MAOA: variants seen among roughly 807,000 people sequenced by gnomAD.
MAOA encodes monoamine oxidase A, also known as amine oxidase [flavin-containing] A.
Under a neutral mutation model 42.0 loss-of-function variants are expected in MAOA, and 6 were observed. That is an observed-to-expected ratio of 0.14 (90% confidence interval 0.08 to 0.28). MAOA has a LOEUF of 0.28. Among genes scored for constraint, MAOA ranks in the 10% least tolerant of loss-of-function variants. The probability of loss-of-function intolerance (pLI) is 1.00; values close to 1 mark genes in which losing one functional copy is unlikely to be tolerated. For missense variants in MAOA, 262 were observed against 422.3 expected (o/e 0.62, Z 3.33); for synonymous variants, 140 against 154.0 (o/e 0.91, Z 0.67).
chrX:43,735,147 C>A (rs1164810308), intron 9 of MAOA, among the ~76,000 whole-genome samples: 3 of 111,737 alleles, frequency 2.7e-5, no homozygotes, highest in Admixed American at 9.5e-5. Context: ...AAATAACAGC[C>A]CTAAAGGAAC....
chrX:43,720,547 G>A (rs2033780868), intron 5 of MAOA, among the ~76,000 whole-genome samples: 1 of 110,398 alleles, frequency 9.1e-6, no homozygotes, highest in African/African-American at 3.3e-5. Flanking sequence ...AATGAGCCAC[G>A]AGGGCTTGAG....
intron 2 of MAOA, among the ~76,000 whole-genome samples, chrX:43,686,299 G>A (rs2147082157): frequency 8.9e-6 from 1 of 112,075 alleles, no homozygotes; most frequent in South Asian, 3.7e-4. Context: ...CAACATACTT[G>A]TCCCCATCTG....
chrX:43,673,870 G>A (rs2033361454), intron 1 of MAOA, among the ~76,000 whole-genome samples: 4 of 111,870 alleles, frequency 3.6e-5, no homozygotes, highest in South Asian at 7.5e-4. Flanking sequence ...TTCCAACTAT[G>A]TGGTCAATTT....
chrX:43,737,340 A>G (rs1367997544), intron 10 of MAOA, among the ~76,000 whole-genome samples: 2 of 111,750 alleles, frequency 1.8e-5, no homozygotes, highest in African/African-American at 6.5e-5. Flanking sequence ...TCAAGCCTCC[A>G]TAGCTAGTGT....
Position 43,740,856 on chromosome X carries a change from T to A in MAOA, c.1164+118T>A. The A allele has an allele frequency of 4.7e-6, 3 of 638,277 alleles. No homozygotes were observed. The South Asian group carries it at 8.3e-5, about 18-fold the overall frequency. 52.6% of individuals were successfully genotyped at this position (638,277 alleles called of 1,213,427 possible). A position where few individuals can be genotyped will look rare whatever the true frequency, so the allele number is the denominator to read the frequency against. ...TGAAGAGAGTATAAAGCGATATGCTTAACTTGGAGGATAAACTTCAGCAGT... is the reference window on the plus strand; with the variant it reads ...TGAAGAGAGTATAAAGCGATATGCTAAACTTGGAGGATAAACTTCAGCAGT... On this transcript the variant is annotated intron_variant, in intron 11 of 14. Coordinates refer to ENST00000338702, the MANE Select transcript of MAOA (RefSeq NM_000240.4).
chrX:43,739,613 A>C (rs1181620549), intron 10 of MAOA, among the ~76,000 whole-genome samples: 1 of 112,096 alleles, frequency 8.9e-6, no homozygotes, highest in East Asian at 2.8e-4. Flanking sequence ...CTTTATTACC[A>C]GTAAGCTTGA....
chrX:43,668,742 T>G (rs993792846), intron 1 of MAOA, among the ~76,000 whole-genome samples: 1 of 112,067 alleles, frequency 8.9e-6, no homozygotes, highest in African/African-American at 3.2e-5. Flanking sequence ...TTGTCATACA[T>G]TTTAATGAAA....
Position 43,746,657 on chromosome X carries a change from T to C in MAOA, c.*2144T>C, listed in dbSNP as rs2034000849. 8.9e-6 allele frequency: 1 copy of C among 112,233 alleles called. No homozygotes were observed. Among genetic ancestry groups the C allele is most frequent in the Admixed American group, 9.4e-5 (1 of 10,614 alleles). 9.2% of individuals were successfully genotyped at this position (112,233 alleles called of 1,213,427 possible). On this transcript the variant is annotated 3_prime_UTR_variant, in exon 15 of 15. Transcript: ENST00000338702. ...GTATGGATTGAAGGATTGTGAACTATGTTTAGTGTGATTGTGAACTTGGTG... is the reference window on the plus strand; with the variant it reads ...GTATGGATTGAAGGATTGTGAACTACGTTTAGTGTGATTGTGAACTTGGTG...
chrX:43,686,795 G>A (rs2033491525), intron 2 of MAOA, among the ~76,000 whole-genome samples: 1 of 110,964 alleles, frequency 9.0e-6, no homozygotes, highest in South Asian at 3.8e-4. Flanking sequence ...GTGAAACCCT[G>A]ACTCAAAAAA....
intron 3 of MAOA, among the ~76,000 whole-genome samples, chrX:43,709,859 T>C (rs954998668): frequency 8.9e-6 from 1 of 111,983 alleles, no homozygotes; most frequent in Admixed American, 9.5e-5. Context: ...GCTTCTTAAG[T>C]CTCTATTTTT....
chrX:43,683,161 A>G (rs2033457347), intron 1 of MAOA, among the ~76,000 whole-genome samples: 1 of 111,977 alleles, frequency 8.9e-6, no homozygotes, highest in Admixed American at 9.5e-5. Context: ...TGTTAATACT[A>G]TCAGGATTTC....
intron 5 of MAOA, among the ~76,000 whole-genome samples, chrX:43,724,961 A>G (rs746932482): frequency 1.7e-4 from 19 of 112,119 alleles, no homozygotes; most frequent in African/African-American, 6.2e-4. Context: ...CAGGTTGTTC[A>G]GTTTCCAAGT....
intron 2 of MAOA, among the ~76,000 whole-genome samples, chrX:43,692,725 A>G (rs185540257): frequency 8.9e-6 from 1 of 111,955 alleles, no homozygotes; most frequent in East Asian, 2.8e-4. Context: ...GGAGAACTGT[A>G]TTTATGAGGG....
intron 5 of MAOA, among the ~76,000 whole-genome samples, chrX:43,714,458 G>A (rs909187460): frequency 5.4e-5 from 6 of 110,700 alleles, no homozygotes; most frequent in Non-Finnish European, 1.1e-4. Context: ...TGGTGGGATG[G>A]TATCTTTTAT....
At position 43,746,744 on chromosome X, in the gene MAOA, G is replaced by A. The variant is rs2034001537; in HGVS notation, c.*2231G>A. ...CACGTTGGAGTATACCTATGTGTGT[G>A]CTTTGCCACTGAAGTAAGATTTTGC... On this transcript the variant is annotated 3_prime_UTR_variant, in exon 15 of 15. Coordinates refer to ENST00000338702, the MANE Select transcript of MAOA (RefSeq NM_000240.4). 1 of 111,874 alleles carries A rather than the reference G, an allele frequency of 8.9e-6. No individual in the cohort carries two copies. Among genetic ancestry groups the A allele is most frequent in the African/African-American group, 3.3e-5 (1 of 30,681 alleles). 9.2% of individuals were successfully genotyped at this position (111,874 alleles called of 1,213,427 possible). A position where few individuals can be genotyped will look rare whatever the true frequency, so the allele number is the denominator to read the frequency against.
chrX:43,674,862 C>G (rs1360414627), intron 1 of MAOA, among the ~76,000 whole-genome samples: 3 of 110,037 alleles, frequency 2.7e-5, no homozygotes, highest in Non-Finnish European at 5.7e-5. Flanking sequence ...CGACCTTTCT[C>G]TCTGGCTGCC....
At chrX:43,723,151 G>A (rs1200026726) in intron 5 of MAOA, among the ~76,000 whole-genome samples, 2 of 111,741 alleles carry the variant, frequency 1.8e-5, no homozygotes, top group African/African-American at 6.5e-5. Flanking sequence ...TTTTTGCTTA[G>A]GATTGTCTTG....
chrX:43,681,904 C>T (rs1164033393), intron 1 of MAOA, among the ~76,000 whole-genome samples: 2 of 94,345 alleles, frequency 2.1e-5, no homozygotes, highest in Non-Finnish European at 4.1e-5. Flanking sequence ...TTCTTTGAGA[C>T]GGAGTCTTGC....
chrX:43,720,454 T>C (rs2033780100), intron 5 of MAOA, among the ~76,000 whole-genome samples: 1 of 108,063 alleles, frequency 9.3e-6, no homozygotes, highest in Non-Finnish European at 1.9e-5. Flanking sequence ...ATGGACGTTG[T>C]GGGGGGTGGT....
Sources: gnomAD v4.1 joint callset for allele counts (sites outside exome capture counted in the v4.1 genomes callset) on GRCh38, gnomAD v4.1.1 for gene constraint, MANE v1.5 for transcripts, NCBI Gene and HGNC (gene_info 2026-07-23, HGNC 2026-07-21) for gene names.